The following MRPL22 variants were observed in gnomAD, a reference collection of about 807,000 sequenced individuals.
MRPL22 encodes the protein large ribosomal subunit protein uL22m.
MRPL22 carries 27 observed loss-of-function variants against 32.4 expected under a neutral mutation model. The observed-to-expected ratio is 0.83, with a 90% confidence interval of 0.61 to 1.15. MRPL22 has a LOEUF of 1.15. Among genes scored for constraint, MRPL22 ranks in the 50% most tolerant of loss-of-function variants. The pLI is 0.00. For missense variants in MRPL22, 239 were observed against 260.2 expected (o/e 0.92, Z 0.56); for synonymous variants, 86 against 87.3 (o/e 0.99, Z 0.08).
chr5:154,967,987 G>A lies in MRPL22; in HGVS notation c.*1090G>A, dbSNP rs778645485. ...AGTTTTATTGCCATGTTTTAAGATG[G>A]CATTAATAATAGTTACTGTTTACTG... On this transcript the variant is annotated 3_prime_UTR_variant, in exon 7 of 7. Transcript: ENST00000523037. This position sits in a 1 kb window ranked among gnomAD's most constrained non-coding sequence, Gnocchi z 4.7. 3 of 152,206 alleles carry A rather than the reference G, an allele frequency of 2.0e-5. No homozygotes were observed. The highest frequency in any genetic ancestry group is 4.4e-5 in the Non-Finnish European group (3 of 68,042). The allele number at this position is 152,206 out of a possible 1,614,324, so 9.4% of individuals were successfully genotyped here. A position where few individuals can be genotyped will look rare whatever the true frequency, so the allele number is the denominator to read the frequency against.
At chr5:154,949,009 A>G (rs116267730) in intron 2 of MRPL22, among the ~76,000 whole-genome samples, 13 of 152,326 alleles carry the variant, frequency 8.5e-5, no homozygotes, top group African/African-American at 2.9e-4. Flanking sequence ...GGCATCCACA[A>G]GTTGGCTCCT....
intron 2 of MRPL22, among the ~76,000 whole-genome samples, chr5:154,944,167 A>G (rs1171313498): frequency 6.6e-6 from 1 of 152,140 alleles, no homozygotes; most frequent in African/African-American, 2.4e-5. Flanking sequence ...CATGTTGGCC[A>G]AGCTGGTCTC....
In MRPL22 at chr5:154,941,089, T is replaced by G; in HGVS notation, c.-22T>G. 6.2e-7 allele frequency: 1 copy of G among 1,613,488 alleles called. No individual in the cohort carries two copies. ...CCAGAAGGCGCTTGAACTCGGCGGC[T>G]TCCGTAGCGGGAGGGCGAAAGATGG... On this transcript the variant is annotated 5_prime_UTR_variant, in exon 1 of 7. Coordinates refer to ENST00000523037, the MANE Select transcript of MRPL22 (RefSeq NM_014180.4).
intron 5 of MRPL22, chr5:154,959,005 A>G (rs1764667473): frequency 6.6e-6 from 1 of 151,948 alleles, no homozygotes; most frequent in African/African-American, 2.4e-5. Context: ...AAAGTTTAAG[A>G]ATTTTTATTT....
rs1488309706 is a variant in MRPL22 at position 154,965,831 on chromosome 5, TGTCA to T, written c.410-849_410-846del. On this transcript the variant is annotated intron_variant, in intron 6 of 6. Coordinates refer to ENST00000523037, the MANE Select transcript of MRPL22 (RefSeq NM_014180.4). The stretch of plus-strand genomic sequence containing the variant: ...TTGTGCCAGAGTTCCTAAAACTGGC[TGTCA>T]GTCAGAATTTCTGGGGAGAGTTGGG... 2.6e-5 allele frequency among the ~76,000 whole-genome samples: 4 copies of T among 152,308 alleles called. No individual in the cohort carries two copies. The East Asian group carries it at 7.7e-4, about 29-fold the overall frequency.
intron 4 of MRPL22, 182 bp from the exon 5 acceptor site, chr5:154,956,953 G>A (rs1324604800): frequency 1.2e-5 from 7 of 564,310 alleles, no homozygotes; most frequent in Admixed American, 3.2e-5. Context: ...TGGTTAAAAT[G>A]TTTGTTTCAT....
chr5:154,963,358 G>A (rs1352978750), intron 6 of MRPL22, among the ~76,000 whole-genome samples: 1 of 152,094 alleles, frequency 6.6e-6, no homozygotes, highest in Non-Finnish European at 1.5e-5. Context: ...AAGTATTTGA[G>A]TACTTTCTGT....
chr5:154,956,017 C>G (rs960842855), intron 3 of MRPL22: 6 of 202,180 alleles, frequency 3.0e-5, no homozygotes, highest in African/African-American at 1.4e-4. Flanking sequence ...TAATAATGAA[C>G]GTTTTCTTGT....
At chr5:154,952,254 G>A (rs917353782) in intron 3 of MRPL22, among the ~76,000 whole-genome samples, 24 of 152,038 alleles carry the variant, frequency 1.6e-4, no homozygotes, top group African/African-American at 5.6e-4. Context: ...GCACAATTTT[G>A]TTATGTGTTT....
intron 6 of MRPL22, among the ~76,000 whole-genome samples, chr5:154,965,936 T>G (rs1764761408): frequency 6.6e-6 from 1 of 152,116 alleles, no homozygotes; most frequent in Non-Finnish European, 1.5e-5. Flanking sequence ...AGAGGTGAGG[T>G]CTCAGCATCT....
At chr5:154,966,559 C>G in intron 6 of MRPL22, 127 bp from the exon 7 acceptor site, 2 of 921,696 alleles carry the variant, frequency 2.2e-6, no homozygotes, top group Non-Finnish European at 3.3e-6. Context: ...TGAGACAAGC[C>G]TGCTCTAGCC....
intron 6 of MRPL22, 49 bp downstream of exon 6, chr5:154,960,098 G>A (rs759357971): frequency 2.2e-5 from 30 of 1,339,832 alleles, no homozygotes; most frequent in Non-Finnish European, 1.8e-5. Context: ...CAGTAGTAAT[G>A]CCATGTTTTT....
intron 2 of MRPL22, among the ~76,000 whole-genome samples, chr5:154,944,994 T>C (rs2132529): frequency 6.6e-6 from 1 of 152,246 alleles, no homozygotes; most frequent in Non-Finnish European, 1.5e-5. Flanking sequence ...TAGAGCCTTA[T>C]TATTTTTTGT....
chr5:154,967,003 AAC>A lies in MRPL22; in HGVS notation c.*108_*109del. ...TTATGATTTCTCATTGAATTATTGA[AAC>A]AGTGTATAACTGCTAGTTGTAAATG... On this transcript the variant is annotated 3_prime_UTR_variant, in exon 7 of 7. Transcript: ENST00000523037. The surrounding 1 kb of genome is among the most constrained non-coding windows in gnomAD (Gnocchi z 4.7). 5 of 1,089,488 alleles carry A rather than the reference AAC, an allele frequency of 4.6e-6. No individual in the cohort carries two copies. Among genetic ancestry groups the A allele is most frequent in the Non-Finnish European group, 6.5e-6 (5 of 774,952 alleles). The allele number at this position is 1,089,488 out of a possible 1,614,324, so 67.5% of individuals were successfully genotyped here.
rs1453185409 is a variant in MRPL22, at chr5:154,966,676, TCCTG to T, written c.410-9_410-6del. On this transcript the variant is annotated splice_polypyrimidine_tract_variant and splice_region_variant and intron_variant, in intron 6 of 6. Coordinates refer to ENST00000523037, the MANE Select transcript of MRPL22 (RefSeq NM_014180.4). ...TCATTTCCTGTAATTCTCTTTTTCT[TCCTG>T]TTTAGCTGAGTCCACCTCAGGACGA... 4 of 1,613,102 alleles carry T rather than the reference TCCTG, an allele frequency of 2.5e-6. No individual in the cohort carries two copies. The highest frequency in any genetic ancestry group is 1.7e-5 in the Admixed American group (1 of 60,014).
intron 3 of MRPL22, 183 bp from the exon 4 acceptor site, chr5:154,956,188 T>C (rs1437510427): frequency 1.8e-5 from 10 of 569,040 alleles, no homozygotes; most frequent in East Asian, 3.3e-5. Context: ...AGTGAGACTT[T>C]GGAAAAATAC....
In MRPL22 at chr5:154,941,422, T is replaced by G. The variant is rs186449457; in HGVS notation, c.77+157T>G. Among the ~76,000 whole-genome samples the G allele has an allele frequency of 6.3e-3, 958 of 152,216 alleles. 5 individuals carry two copies. The highest frequency in any genetic ancestry group is 0.027 in the South Asian group (132 of 4,826). On this transcript the variant is annotated intron_variant, in intron 2 of 6. Coordinates refer to ENST00000523037, the MANE Select transcript of MRPL22 (RefSeq NM_014180.4). ...GTCTCTGCTTTGTCACTCTATTTTT[T>G]CTCCACCTTATTGCATAAACTGTAC... is the stretch of plus-strand genomic sequence containing the variant.
chr5:154,967,923 A>G lies in MRPL22; in HGVS notation c.*1026A>G, dbSNP rs571700946. On this transcript the variant is annotated 3_prime_UTR_variant, in exon 7 of 7. Transcript: ENST00000523037. The surrounding 1 kb of genome is among the most constrained non-coding windows in gnomAD (Gnocchi z 4.7). ...CCAGGTAATTCTGTTGTAGGGGACT[A>G]CGCTTTGAGAATACGGCTTTAGGAG... The G allele has an allele frequency of 1.4e-4, 22 of 152,320 alleles. No individual in the cohort carries two copies. Among genetic ancestry groups the G allele is most frequent in the African/African-American group, 4.8e-4 (20 of 41,568 alleles). The allele number at this position is 152,320 out of a possible 1,614,324, so 9.4% of individuals were successfully genotyped here.
At chr5:154,948,437 T>C (rs1164395665) in intron 2 of MRPL22, among the ~76,000 whole-genome samples, 1 of 152,246 alleles carries the variant, frequency 6.6e-6, no homozygotes, top group Admixed American at 6.5e-5. Flanking sequence ...TCTTGTAATT[T>C]ATTTGTTGGA....
Sources: gnomAD v4.1 joint callset for allele counts (sites outside exome capture counted in the v4.1 genomes callset) on GRCh38, gnomAD v4.1.1 for gene constraint, Gnocchi (gnomAD v3.1) non-coding constraint, MANE v1.5 for transcripts, NCBI Gene and HGNC (gene_info 2026-07-23, HGNC 2026-07-21) for gene names.